Variants in DGKB observed in about 807,000 individuals in gnomAD.
DGKB encodes the protein 90 kDa diacylglycerol kinase.
A neutral mutation model predicts 114.3 loss-of-function variants in DGKB; 67 were observed. That is an observed-to-expected ratio of 0.59 (90% CI 0.48 to 0.72). The LOEUF (loss-of-function observed/expected upper bound fraction) is 0.72, where lower values mean the gene tolerates loss of function less well. Among genes scored for constraint, DGKB ranks in the 30% least tolerant of loss-of-function variants. The probability of loss-of-function intolerance (pLI) is 0.00; values close to 1 mark genes in which losing one functional copy is unlikely to be tolerated. For missense variants in DGKB, 907 were observed against 975.2 expected (o/e 0.93, Z 0.93); for synonymous variants, 398 against 323.1 (o/e 1.23, Z -2.49).
chr7:14,957,317 C>A (rs1786567326), intron 1 of DGKB, among the ~76,000 whole-genome samples: 1 of 151,808 alleles, frequency 6.6e-6, no homozygotes, highest in African/African-American at 2.4e-5. Flanking sequence ...CTGCTTTGGT[C>A]TATTTGAAGA....
intron 1 of DGKB, among the ~76,000 whole-genome samples, chr7:14,852,983 TA>T (rs1849609065): frequency 6.6e-6 from 1 of 152,148 alleles, no homozygotes; most frequent in Non-Finnish European, 1.5e-5. Context: ...TTCTATTAAT[TA>T]AAAAATTATA....
At chr7:14,422,804 G>T (rs954237655) in intron 21 of DGKB, among the ~76,000 whole-genome samples, 4 of 151,936 alleles carry the variant, frequency 2.6e-5, no homozygotes, top group African/African-American at 4.8e-5. Context: ...AATAATAATA[G>T]TAGTAGTAAT....
intron 13 of DGKB, among the ~76,000 whole-genome samples, chr7:14,672,051 T>C (rs1279353750): frequency 6.6e-6 from 1 of 151,984 alleles, no homozygotes; most frequent in African/African-American, 2.4e-5. Flanking sequence ...TTTTGTGAAA[T>C]AAAGGCATTT....
intron 21 of DGKB, among the ~76,000 whole-genome samples, chr7:14,473,685 C>T (rs1313423707): frequency 1.3e-5 from 2 of 152,174 alleles, no homozygotes; most frequent in Non-Finnish European, 2.9e-5. Context: ...CTATACCCTG[C>T]AAAGCCACAG....
At chr7:14,542,184 C>CATT (rs1289368874) in intron 20 of DGKB, among the ~76,000 whole-genome samples, 2 of 151,716 alleles carry the variant, frequency 1.3e-5, no homozygotes, top group African/African-American at 2.4e-5. Context: ...TATTTATTAT[C>CATT]ATTATTATTA....
intron 23 of DGKB, among the ~76,000 whole-genome samples, chr7:14,203,480 G>T (rs1786236500): frequency 6.6e-6 from 1 of 151,874 alleles, no homozygotes; most frequent in Non-Finnish European, 1.5e-5. Context: ...AGAATATTTA[G>T]CACTAATGTA....
At chr7:14,748,960 G>A (rs1221766840) in intron 4 of DGKB, among the ~76,000 whole-genome samples, 1 of 152,014 alleles carries the variant, frequency 6.6e-6, no homozygotes, top group Non-Finnish European at 1.5e-5. Context: ...TGCGCTTACT[G>A]GGCAAAGAAC....
chr7:14,299,889 A>C (rs950813685), intron 23 of DGKB, among the ~76,000 whole-genome samples: 1 of 151,976 alleles, frequency 6.6e-6, no homozygotes, highest in African/African-American at 2.4e-5. Context: ...CAGCAAAAAA[A>C]AACCTTTAAA....
At chr7:14,340,011 T>C (rs931992941) in intron 22 of DGKB, among the ~76,000 whole-genome samples, 3 of 151,892 alleles carry the variant, frequency 2.0e-5, no homozygotes, top group Non-Finnish European at 1.5e-5. Context: ...GAAGCTAGGA[T>C]TGCATCTTGT....
At chr7:14,795,975 A>G (rs1416657104) in intron 2 of DGKB, among the ~76,000 whole-genome samples, 1 of 152,192 alleles carries the variant, frequency 6.6e-6, no homozygotes, top group Non-Finnish European at 1.5e-5. Flanking sequence ...GGCACTAAGG[A>G]GGATAAGACA....
intron 23 of DGKB, among the ~76,000 whole-genome samples, chr7:14,211,318 A>ATTTACTCTCATGTTTTGTGAT (rs1321147373): frequency 6.9e-5 from 4 of 57,772 alleles, no homozygotes; most frequent in East Asian, 1.3e-3. Context: ...GTTTTGTGAT[A>ATTTACTCTCATGTTTTGTGAT]TTTACTCTCA....
chr7:14,887,781 T>C (rs892331622), intron 1 of DGKB, among the ~76,000 whole-genome samples: 3 of 151,804 alleles, frequency 2.0e-5, no homozygotes, highest in Non-Finnish European at 4.4e-5. Flanking sequence ...TTACTCTCTA[T>C]CTTCTCCAAG....
chr7:14,590,865 T>C (rs1338824239), intron 17 of DGKB, among the ~76,000 whole-genome samples: 2 of 152,086 alleles, frequency 1.3e-5, no homozygotes, highest in Non-Finnish European at 2.9e-5. Flanking sequence ...AGTATAGGTA[T>C]GTTTTAGGTC....
intron 21 of DGKB, among the ~76,000 whole-genome samples, chr7:14,469,812 G>C (rs1781008701): frequency 6.6e-6 from 1 of 151,808 alleles, no homozygotes; most frequent in Admixed American, 6.6e-5. Flanking sequence ...ACACATAGAA[G>C]AGCACATATA....
rs545963738 is a variant in DGKB, at chr7:14,889,385, C to G, written c.-188+13207G>C. Among the ~76,000 whole-genome samples, 5 of 151,742 alleles carry G rather than the reference C, an allele frequency of 3.3e-5. No individual in the cohort carries two copies. The East Asian group carries it at 9.7e-4, about 30-fold the overall frequency. On this transcript the variant is annotated intron_variant, in intron 1 of 25. Transcript: ENST00000402815. Reference sequence around the variant, plus strand: ...TGTGTCAGGACTAAAGGGCTAGCCCCTTTAGGGGAGCTTCTTGTGGCATTT... The same window carrying G: ...TGTGTCAGGACTAAAGGGCTAGCCCGTTTAGGGGAGCTTCTTGTGGCATTT...
chr7:14,680,113 G>A (rs938676602), intron 12 of DGKB, among the ~76,000 whole-genome samples: 2 of 151,944 alleles, frequency 1.3e-5, no homozygotes, highest in African/African-American at 2.4e-5. Context: ...GGACTTTAGA[G>A]AGTTTAGTAA....
intron 20 of DGKB, among the ~76,000 whole-genome samples, chr7:14,501,849 G>A (rs1203030066): frequency 1.3e-5 from 2 of 151,862 alleles, no homozygotes; most frequent in East Asian, 1.9e-4. Flanking sequence ...CTGTACCTGA[G>A]GAAGTACACT....
At chr7:14,432,656 G>C (rs970012659) in intron 21 of DGKB, among the ~76,000 whole-genome samples, 4 of 152,132 alleles carry the variant, frequency 2.6e-5, no homozygotes, top group African/African-American at 9.7e-5. Context: ...TGATCTCTAA[G>C]AGTGGATCCA....
chr7:14,901,876 G>A (rs1783138285), intron 1 of DGKB, among the ~76,000 whole-genome samples: 1 of 152,048 alleles, frequency 6.6e-6, no homozygotes, highest in Non-Finnish European at 1.5e-5. Flanking sequence ...TTCATTTTCT[G>A]CCAGTGAACA....
Sources: allele counts gnomAD v4.1 joint callset (sites outside exome capture counted in the v4.1 genomes callset), GRCh38; gene constraint gnomAD v4.1.1; transcripts MANE v1.5; gene names NCBI Gene and HGNC (gene_info 2026-07-23, HGNC 2026-07-21).